C4orf50: variants seen among roughly 807,000 people sequenced by gnomAD.
C4orf50 encodes chromosome 4 open reading frame 50.
A neutral mutation model predicts 77.2 loss-of-function variants in C4orf50; 80 were observed. The observed-to-expected ratio is 1.04, with a 90% CI of 0.87 to 1.25. The LOEUF (loss-of-function observed/expected upper bound fraction) is 1.25, where lower values mean the gene tolerates loss of function less well. Ranked by LOEUF, C4orf50 falls within the 50% of genes most tolerant of loss-of-function variation. The pLI is 0.00. For missense variants in C4orf50, 1,257 were observed against 1,152.9 expected, an observed-to-expected ratio of 1.09 and a Z score of -1.31; for synonymous variants, 532 against 465.3, an observed-to-expected ratio of 1.14 and a Z score of -1.84.
chr4:5,923,704 C>T (rs555886697), intron 7 of C4orf50, among the ~76,000 whole-genome samples: 10 of 152,326 alleles, frequency 6.6e-5, no homozygotes, highest in East Asian at 3.9e-4. Flanking sequence ...CCAATGGCTC[C>T]GGCCTGTAGA....
rs770626847 is a variant in C4orf50, at chr4:5,916,726, G to T, written c.*2475-18538C>A. ...AGACAATATCCAGATGGGTACTGAG[G>T]TCACTCCTGCAGGAAATAGGGTCAC... On this transcript the variant is annotated intron_variant, in intron 7 of 7. Coordinates refer to the C4orf50 transcript ENST00000324058. The surrounding 1 kb of genome is among the most constrained non-coding windows in gnomAD (Gnocchi z 4.4). Among the ~76,000 whole-genome samples the T allele has an allele frequency of 2.0e-5, 3 of 152,264 alleles. No homozygotes were observed. The highest frequency in any genetic ancestry group is 6.5e-5 in the Admixed American group (1 of 15,304).
chr4:5,977,092 C>T (rs923576025), intron 29 of C4orf50, among the ~76,000 whole-genome samples: 4 of 152,154 alleles, frequency 2.6e-5, no homozygotes, highest in Admixed American at 6.5e-5. Flanking sequence ...AGCTGCCTTC[C>T]GCCACCCTGC....
intron 7 of C4orf50, among the ~76,000 whole-genome samples, chr4:5,935,012 C>T (rs182485790): frequency 4.1e-4 from 63 of 152,314 alleles, no homozygotes; most frequent in Admixed American, 2.3e-3. Context: ...TAATAGTGCG[C>T]AGATACAGTT....
At chr4:5,910,907 CTTTTTT>C (rs33913636) in intron 7 of C4orf50, among the ~76,000 whole-genome samples, 5 of 106,552 alleles carry the variant, frequency 4.7e-5, no homozygotes, top group Non-Finnish European at 5.3e-5. Context: ...CCCTTTCTTT[CTTTTTT>C]TTTTTTTTTT....
chr4:5,939,479 G>T (rs1186184715), intron 7 of C4orf50, among the ~76,000 whole-genome samples: 2 of 152,172 alleles, frequency 1.3e-5, no homozygotes, highest in African/African-American at 2.4e-5. Flanking sequence ...AATATCAACA[G>T]CAGCCAGGTG....
At chr4:6,012,618 C>T (rs539702281) in intron 23 of C4orf50, among the ~76,000 whole-genome samples, 1 of 152,108 alleles carries the variant, frequency 6.6e-6, no homozygotes, top group Non-Finnish European at 1.5e-5. Context: ...ATGGCTAAGT[C>T]ACAGGAAGAC....
rs1451322476 is a variant in C4orf50, at chr4:5,932,349, G to A, written c.*2474+24552C>T. On this transcript the variant is annotated intron_variant, in intron 7 of 7. Transcript: ENST00000324058. The surrounding 1 kb of genome is among the most constrained non-coding windows in gnomAD (Gnocchi z 4.2). Reference sequence around the variant, plus strand: ...CAGCCATCAAAGAGGGAGGCAGGCAGCGGACAGCTTGCCTGGTGCTGTCCT... The same window carrying A: ...CAGCCATCAAAGAGGGAGGCAGGCAACGGACAGCTTGCCTGGTGCTGTCCT... 4.6e-5 allele frequency among the ~76,000 whole-genome samples: 7 copies of A among 152,218 alleles called. No individual in the cohort carries two copies.
At chr4:5,983,989 C>A (rs867306855) in intron 28 of C4orf50, among the ~76,000 whole-genome samples, 1 of 152,232 alleles carries the variant, frequency 6.6e-6, no homozygotes, top group African/African-American at 2.4e-5. Flanking sequence ...ACAGGTCACA[C>A]ACTTCTGAGA....
At chr4:5,989,925 T>C in exon 28 of C4orf50, 1 of 1,427,438 alleles carries the variant, frequency 7.0e-7, no homozygotes, top group Non-Finnish European at 9.1e-7. Flanking sequence ...CAAGCCACAC[T>C]TGGTTTTCCT....
chr4:5,952,031 T>C lies in C4orf50; in HGVS notation c.*2474+4870A>G, dbSNP rs1429426854. On this transcript the variant is annotated intron_variant, in intron 7 of 7. Transcript: ENST00000324058. The surrounding 1 kb of genome is among the most constrained non-coding windows in gnomAD (Gnocchi z 4.4). ...ACAGACAGTGAGATAAAATAAAATA[T>C]GTGCTTGGAAGTGCCATTAAAATAA... 6.6e-6 allele frequency among the ~76,000 whole-genome samples: 1 copy of C among 152,232 alleles called. No individual in the cohort carries two copies. The highest frequency in any genetic ancestry group is 2.4e-5 in the African/African-American group (1 of 41,462).
chr4:5,998,192 C>T (rs1267825677), intron 25 of C4orf50, among the ~76,000 whole-genome samples: 2 of 152,148 alleles, frequency 1.3e-5, no homozygotes, highest in African/African-American at 4.8e-5. Context: ...CCCTTTTAAC[C>T]TTTGACAGAT....
At chr4:5,974,863 G>A (rs748930093) in intron 30 of C4orf50, among the ~76,000 whole-genome samples, 6 of 152,164 alleles carry the variant, frequency 3.9e-5, no homozygotes, top group Non-Finnish European at 8.8e-5. Flanking sequence ...CATTGGCCGG[G>A]TACGGTGGCT....
At chr4:5,913,602 C>G (rs917755998) in intron 7 of C4orf50, among the ~76,000 whole-genome samples, 1 of 152,198 alleles carries the variant, frequency 6.6e-6, no homozygotes, top group Non-Finnish European at 1.5e-5. Flanking sequence ...CTTTCGCTGT[C>G]CTTAACATTC....
rs957589075 is a variant in C4orf50 at position 5,952,017 on chromosome 4, G to T, written c.*2474+4884C>A. On this transcript the variant is annotated intron_variant, in intron 7 of 7. Transcript: ENST00000324058. This position sits in a 1 kb window ranked among gnomAD's most constrained non-coding sequence, Gnocchi z 4.4. Reference sequence around the variant, plus strand: ...ACAGAATTTGCACTACAGACAGTGAGATAAAATAAAATATGTGCTTGGAAG... The same window carrying T: ...ACAGAATTTGCACTACAGACAGTGATATAAAATAAAATATGTGCTTGGAAG... Among the ~76,000 whole-genome samples, 5 of 152,168 alleles carry T rather than the reference G, an allele frequency of 3.3e-5. No homozygotes were observed. The highest frequency in any genetic ancestry group is 1.2e-4 in the African/African-American group (5 of 41,440).
intron 7 of C4orf50, among the ~76,000 whole-genome samples, chr4:5,912,413 T>C (rs1435457213): frequency 2.6e-5 from 4 of 152,174 alleles, no homozygotes; most frequent in Non-Finnish European, 5.9e-5. Flanking sequence ...TTTTTATAAC[T>C]GCAGCAGATA....
intron 7 of C4orf50, among the ~76,000 whole-genome samples, chr4:5,934,471 G>C (rs115570392): frequency 0.027 from 4,066 of 152,212 alleles, 143 homozygotes; most frequent in African/African-American, 0.08. Context: ...AGGCTCGCTG[G>C]TCTGGCTCAA....
At chr4:5,982,752 T>A (rs1400418691) in intron 28 of C4orf50, among the ~76,000 whole-genome samples, 1 of 150,964 alleles carries the variant, frequency 6.6e-6, no homozygotes, top group Admixed American at 6.6e-5. Flanking sequence ...CACACATGAG[T>A]AGGCTCTGAC....
In C4orf50 at chr4:5,989,948, C is replaced by T. The variant is rs1383040004; in HGVS notation, c.2098G>A (p.Ala700Thr). The change falls in exon 28 of 34, where the codon GCT becomes ACT. Residue 700 changes from alanine to threonine, a missense_variant. Ala to Thr is a moderately conservative substitution (Grantham distance 58). Transcript: ENST00000531445. The stretch of plus-strand genomic sequence containing the variant: ...ACTTGGTTTTCCTCCTTGCCCCTAG[C>T]TGTCCTCCCAGTGGCTCTGACTTTC... 2.1e-6 allele frequency: 3 copies of T among 1,422,340 alleles called. No individual in the cohort carries two copies. In the East Asian group the frequency reaches 7.5e-5, roughly 36 times the overall value. 88.1% of individuals were successfully genotyped at this position (1,422,340 alleles called of 1,614,324 possible).
rs1719105824 is a variant in C4orf50, at chr4:5,958,725, G to T, written c.*650C>A. 1 of 152,242 alleles carries T rather than the reference G, an allele frequency of 6.6e-6. No individual in the cohort carries two copies. 9.4% of individuals were successfully genotyped at this position (152,242 alleles called of 1,614,324 possible). A position where few individuals can be genotyped will look rare whatever the true frequency, so the allele number is the denominator to read the frequency against. On this transcript the variant is annotated 3_prime_UTR_variant, in exon 34 of 34. Transcript: ENST00000531445. This position sits in a 1 kb window ranked among gnomAD's most constrained non-coding sequence, Gnocchi z 5.4. ...GTTTTTGGAGTGGATGGACTGATTA[G>T]AAAGTTCTGGTTAGTTTTAATGTTT...
Sources: gnomAD v4.1 joint callset for allele counts (sites outside exome capture counted in the v4.1 genomes callset) on GRCh38, gnomAD v4.1.1 for gene constraint, Gnocchi (gnomAD v3.1) non-coding constraint, MANE v1.5 for transcripts, NCBI Gene and HGNC (gene_info 2026-07-23, HGNC 2026-07-21) for gene names.